ZYG11A: variants seen among roughly 807,000 people sequenced by gnomAD.
The protein encoded by ZYG11A is zyg-11 family member A, cell cycle regulator.
ZYG11A carries 62 observed loss-of-function variants against 77.2 expected under a neutral mutation model. The observed-to-expected ratio is 0.80, with a 90% CI of 0.65 to 0.99. The LOEUF is 0.99. ZYG11A is among the 50% of genes least tolerant of loss of function. ZYG11A has a pLI of 0.00. For synonymous variants in ZYG11A, 315 were observed against 324.6 expected, an observed-to-expected ratio of 0.97 and a Z score of 0.32; for missense variants, 828 against 896.8, an observed-to-expected ratio of 0.92 and a Z score of 0.98.
intron 1 of ZYG11A, among the ~76,000 whole-genome samples, chr1:52,847,751 C>G (rs1012327483): frequency 6.7e-6 from 1 of 148,696 alleles, no homozygotes; most frequent in Non-Finnish European, 1.5e-5. Flanking sequence ...TTCGCTGCAA[C>G]CTCTGCCTCC....
chr1:52,850,370 G>T (rs576348400), intron 1 of ZYG11A, among the ~76,000 whole-genome samples: 1 of 150,020 alleles, frequency 6.7e-6, no homozygotes, highest in East Asian at 2.0e-4. Context: ...CCAGGTTGGC[G>T]TGCGGTGGAG....
chr1:52,853,974 A>T (rs1645761878), intron 1 of ZYG11A, among the ~76,000 whole-genome samples: 1 of 152,184 alleles, frequency 6.6e-6, no homozygotes, highest in African/African-American at 2.4e-5. Flanking sequence ...GGTTCAGTAT[A>T]TGTGAATTCA....
intron 1 of ZYG11A, among the ~76,000 whole-genome samples, chr1:52,850,508 C>T (rs182765863): frequency 4.7e-4 from 72 of 152,066 alleles, no homozygotes; most frequent in Admixed American, 2.9e-3. Context: ...TTAATAGAGA[C>T]GGGGTTTCAC....
intron 13 of ZYG11A, among the ~76,000 whole-genome samples, chr1:52,892,355 G>A (rs1266294153): frequency 7.4e-5 from 11 of 149,632 alleles, no homozygotes; most frequent in Middle Eastern, 3.4e-3. Context: ...GTGAAACTCC[G>A]TCTCTACTAA....
chr1:52,844,377 T>A (rs1645522499), intron 1 of ZYG11A, among the ~76,000 whole-genome samples: 1 of 152,240 alleles, frequency 6.6e-6, no homozygotes, highest in Admixed American at 6.5e-5. Flanking sequence ...TTGGATTTTT[T>A]ACGTGTGTGC....
At chr1:52,882,957 C>T (rs1311774955) in intron 11 of ZYG11A, among the ~76,000 whole-genome samples, 1 of 145,460 alleles carries the variant, frequency 6.9e-6, no homozygotes, top group African/African-American at 2.8e-5. Flanking sequence ...TCATTTTTTT[C>T]TGGGATGTTG....
intron 4 of ZYG11A, among the ~76,000 whole-genome samples, chr1:52,862,335 G>A (rs1243406455): frequency 6.9e-6 from 1 of 144,068 alleles, no homozygotes; most frequent in Non-Finnish European, 1.5e-5. Context: ...TTTTTGAGAC[G>A]GCGTCTCGCT....
chr1:52,844,271 T>C (rs962117649), intron 1 of ZYG11A, among the ~76,000 whole-genome samples: 1 of 152,236 alleles, frequency 6.6e-6, no homozygotes, highest in Non-Finnish European at 1.5e-5. Context: ...TAACGCCTTG[T>C]TGGAAGACTT....
chr1:52,887,152 GTCC>G, intron 13 of ZYG11A, 99 bp downstream of exon 13: 1 of 523,004 alleles, frequency 1.9e-6, no homozygotes, highest in East Asian at 3.3e-5. Flanking sequence ...GTCTACCTCT[GTCC>G]TCTGAATTTA....
At chr1:52,873,650 A>G (rs1646209177) in intron 8 of ZYG11A, among the ~76,000 whole-genome samples, 1 of 152,202 alleles carries the variant, frequency 6.6e-6, no homozygotes, top group Non-Finnish European at 1.5e-5. Flanking sequence ...ACCTGGTTGG[A>G]TGAGACAGCA....
intron 3 of ZYG11A, among the ~76,000 whole-genome samples, chr1:52,859,970 GC>G (rs1312983993): frequency 6.6e-6 from 1 of 152,066 alleles, no homozygotes; most frequent in Non-Finnish European, 1.5e-5. Flanking sequence ...GAGCCATTGT[GC>G]CCCGGCCTAC....
Position 52,893,293 on chromosome 1 carries a change from CT to C in ZYG11A, c.*337del, listed in dbSNP as rs1254969415. Reference sequence around the variant, plus strand: ...TGGGAGCTTGTCATGGGAGTGGGACCTGTTCACTAGAAGAGAAAGGAAACCT... The same window carrying C: ...TGGGAGCTTGTCATGGGAGTGGGACCGTTCACTAGAAGAGAAAGGAAACCT... On this transcript the variant is annotated 3_prime_UTR_variant, in exon 14 of 14. Coordinates refer to ENST00000371528, the MANE Select transcript of ZYG11A (RefSeq NM_001004339.3). 4.7e-6 allele frequency: 1 copy of C among 214,850 alleles called. No homozygotes were observed. The highest frequency in any genetic ancestry group is 9.4e-6 in the Non-Finnish European group (1 of 106,592). 13.3% of individuals were successfully genotyped at this position (214,850 alleles called of 1,614,324 possible).
intron 13 of ZYG11A, among the ~76,000 whole-genome samples, chr1:52,889,100 CTTATT>C (rs1174759683): frequency 5.9e-5 from 9 of 152,026 alleles, no homozygotes; most frequent in South Asian, 2.1e-4. Context: ...GGGTAAGCAT[CTTATT>C]TTATTTTATT....
Position 52,857,373 on chromosome 1 carries a change from A to G in ZYG11A, c.632A>G (p.Asp211Gly), listed in dbSNP as rs543862165. The G allele has an allele frequency of 6.4e-7, 1 of 1,551,786 alleles. No homozygotes were observed. The highest frequency in any genetic ancestry group is 2.4e-5 in the East Asian group (1 of 40,932). The change falls in exon 3 of 14, where the codon GAT becomes GGT. Residue 211 changes from aspartate to glycine, a missense_variant. Transcript: ENST00000371528. Reference protein sequence around the residue: ...VSQLPRLESLDISNTLVTDIS... With the variant: ...VSQLPRLESLGISNTLVTDIS... ...CAGTTACCAAGACTGGAAAGCTTAG[A>G]TATCTCTAATACTCTAGTCACTGAT... is the stretch of plus-strand genomic sequence containing the variant.
intron 8 of ZYG11A, among the ~76,000 whole-genome samples, chr1:52,874,323 C>T (rs1269894251): frequency 2.0e-5 from 3 of 152,130 alleles, no homozygotes; most frequent in Non-Finnish European, 4.4e-5. Context: ...ATCTCAACTG[C>T]AGCCTCGACC....
chr1:52,870,708 A>T (rs1477737105), intron 8 of ZYG11A, among the ~76,000 whole-genome samples: 2 of 152,194 alleles, frequency 1.3e-5, no homozygotes, highest in Non-Finnish European at 2.9e-5. Flanking sequence ...AAAAAATACG[A>T]AAAACAGTCA....
chr1:52,854,830 C>A (rs1416211779), intron 2 of ZYG11A, among the ~76,000 whole-genome samples, 200 bp downstream of exon 2: 1 of 151,942 alleles, frequency 6.6e-6, no homozygotes, highest in Admixed American at 6.6e-5. Context: ...TTCCACTCTT[C>A]ACTTACGTAA....
At position 52,886,363 on chromosome 1, in the gene ZYG11A, C is replaced by T. The variant is rs78829384; in HGVS notation, c.2006+469C>T. On this transcript the variant is annotated intron_variant, in intron 12 of 13. Transcript: ENST00000371528. ...TTTCTAGAAGGTCAGCTTTCCTTGTCTGTAAAATGAGGCTGACAGTGTGCA... is the reference window on the plus strand; with the variant it reads ...TTTCTAGAAGGTCAGCTTTCCTTGTTTGTAAAATGAGGCTGACAGTGTGCA... Among the ~76,000 whole-genome samples the T allele has an allele frequency of 6.9e-3, 1,051 of 152,248 alleles. 19 individuals carry two copies. Among genetic ancestry groups the T allele is most frequent in the East Asian group, 0.066 (342 of 5,186 alleles).
intron 5 of ZYG11A, 103 bp downstream of exon 5, chr1:52,864,260 T>G (rs1645982127): frequency 2.5e-6 from 3 of 1,218,332 alleles, no homozygotes; most frequent in African/African-American, 1.5e-5. Context: ...TTTTTGTTTT[T>G]TTAAAGACAG....
Sources: gnomAD v4.1 joint callset for allele counts (sites outside exome capture counted in the v4.1 genomes callset) on GRCh38, gnomAD v4.1.1 for gene constraint, MANE v1.5 for transcripts, NCBI Gene and HGNC (gene_info 2026-07-23, HGNC 2026-07-21) for gene names.